The following C1orf185 variants were observed in gnomAD, a reference collection of about 807,000 sequenced individuals.
C1orf185 encodes chromosome 1 open reading frame 185.
In C1orf185, 13 loss-of-function variants were observed where a neutral mutation model predicts 16.1. The observed-to-expected ratio is 0.81, with a 90% CI of 0.53 to 1.28. C1orf185 has a LOEUF of 1.28. Ranked by LOEUF, C1orf185 falls within the 50% of genes most tolerant of loss-of-function variation. The pLI is 0.00. For synonymous variants in C1orf185, 80 were observed against 76.9 expected (o/e 1.04, Z -0.21); for missense variants, 220 against 225.2 (o/e 0.98, Z 0.15).
Position 51,118,727 on chromosome 1 carries a change from A to T in C1orf185, c.184A>T (p.Met62Leu), listed in dbSNP as rs1044922832. 6.7e-7 allele frequency: 1 copy of T among 1,496,240 alleles called. No homozygotes were observed. The highest frequency in any genetic ancestry group is 2.1e-5 in the Admixed American group (1 of 47,314). 92.7% of individuals were successfully genotyped at this position (1,496,240 alleles called of 1,614,324 possible). The change falls in exon 3 of 5, where the codon ATG becomes TTG. Residue 62 changes from methionine (M) to leucine (L), a missense_variant. Met to Leu is a conservative substitution (Grantham distance 15). Coordinates refer to ENST00000371759, the MANE Select transcript of C1orf185 (RefSeq NM_001136508.2). ...TGAGAGATGCAGGCAAAGACCATCA[A>T]TGGCGAAGATTAAATCTCATTCTCA... The part of the protein sequence containing the change: ...IDERCRQRPS[M>L]AKIKSHSQCV...
chr1:51,124,081 GTTTTTTTTT>G (rs893846873), intron 3 of C1orf185, among the ~76,000 whole-genome samples: 1 of 113,590 alleles, frequency 8.8e-6, no homozygotes, highest in African/African-American at 3.3e-5. Context: ...ACTGTAGTTT[GTTTTTTTTT>G]TTTTTTTTTT....
chr1:51,111,817 G>T (rs1167036498), intron 1 of C1orf185, among the ~76,000 whole-genome samples: 1 of 152,120 alleles, frequency 6.6e-6, no homozygotes, highest in Non-Finnish European at 1.5e-5. Flanking sequence ...ACGGCGCCCT[G>T]CCCCTGGTTA....
At chr1:51,139,046 TTTTA>T (rs1228385996) in intron 3 of C1orf185, among the ~76,000 whole-genome samples, 12 of 152,190 alleles carry the variant, frequency 7.9e-5, no homozygotes, top group Non-Finnish European at 1.3e-4. Flanking sequence ...TACTTACATT[TTTTA>T]CATGTCTGTA....
At chr1:51,137,532 AAAAAAAT>A (rs1168872214) in intron 3 of C1orf185, among the ~76,000 whole-genome samples, 6 of 152,146 alleles carry the variant, frequency 3.9e-5, no homozygotes, top group Admixed American at 2.6e-4. Flanking sequence ...TCTGTCTCAA[AAAAAAAT>A]AAAAAATAAA....
At chr1:51,125,091 G>A (rs753176863) in intron 3 of C1orf185, among the ~76,000 whole-genome samples, 199 of 152,286 alleles carry the variant, frequency 1.3e-3, no homozygotes, top group Non-Finnish European at 2.4e-3. Flanking sequence ...AGGTGTTTTT[G>A]TTTTCAGGGT....
chr1:51,113,747 T>C (rs1435020385), intron 2 of C1orf185, among the ~76,000 whole-genome samples: 1 of 152,212 alleles, frequency 6.6e-6, no homozygotes, highest in Non-Finnish European at 1.5e-5. Context: ...GTTTAAAATA[T>C]ATAAATTGTA....
chr1:51,112,523 T>G lies in C1orf185; in HGVS notation c.76T>G (p.Phe26Val). 3.2e-6 allele frequency: 5 copies of G among 1,551,316 alleles called. No individual in the cohort carries two copies. Among genetic ancestry groups the G allele is most frequent in the Non-Finnish European group, 4.4e-6 (5 of 1,146,838 alleles). ...TGGTGCTGTCACTTTGGGAATTGGTTTCTTTGCTTTGGCATCAGCTTTGTG... is the reference window on the plus strand; with the variant it reads ...TGGTGCTGTCACTTTGGGAATTGGTGTCTTTGCTTTGGCATCAGCTTTGTG... ...AAGAVTLGIG[F>V]FALASALWFL... Residue 26 changes from phenylalanine to valine, a missense_variant, in exon 2 of 5, where the codon TTC becomes GTC. Coordinates refer to ENST00000371759, the MANE Select transcript of C1orf185 (RefSeq NM_001136508.2).
intron 4 of C1orf185, among the ~76,000 whole-genome samples, chr1:51,146,180 C>A (rs1020061446): frequency 6.6e-6 from 1 of 151,570 alleles, no homozygotes; most frequent in Non-Finnish European, 1.5e-5. Context: ...ATGTTTAGAC[C>A]AGGCGTGGTG....
rs148066509 is a variant in C1orf185, at chr1:51,107,024, T to G, written c.16+4775T>G. The stretch of plus-strand genomic sequence containing the variant: ...CGCCCACCTCAGCCTCCCAAAATGC[T>G]GGGATTACAGGCGTGAGCCACCGCG... On this transcript the variant is annotated intron_variant, in intron 1 of 4. Transcript: ENST00000371759. 5.6e-3 allele frequency among the ~76,000 whole-genome samples: 850 copies of G among 152,298 alleles called. 5 individuals carry two copies. The highest frequency in any genetic ancestry group is 0.019 in the African/African-American group (782 of 41,564).
chr1:51,136,226 T>A (rs567181953), intron 3 of C1orf185, among the ~76,000 whole-genome samples: 48 of 152,314 alleles, frequency 3.2e-4, no homozygotes, highest in African/African-American at 1.0e-3. Context: ...TAAATGGCCA[T>A]ACTGCCCAAA....
chr1:51,144,966 C>T (rs926906844), intron 3 of C1orf185, among the ~76,000 whole-genome samples: 1 of 152,090 alleles, frequency 6.6e-6, no homozygotes, highest in African/African-American at 2.4e-5. Flanking sequence ...ACAGTGTATA[C>T]TCCCAAGCCC....
chr1:51,145,101 A>G (rs1252032297), intron 3 of C1orf185, among the ~76,000 whole-genome samples: 2 of 152,110 alleles, frequency 1.3e-5, no homozygotes, highest in Non-Finnish European at 2.9e-5. Flanking sequence ...ACTTCCCAGA[A>G]CATATCTGGA....
At chr1:51,102,571 A>G (rs920713513) in intron 1 of C1orf185, among the ~76,000 whole-genome samples, 1 of 152,100 alleles carries the variant, frequency 6.6e-6, no homozygotes, top group Non-Finnish European at 1.5e-5. Context: ...AAATTCATTG[A>G]AAGTATTTAT....
intron 3 of C1orf185, among the ~76,000 whole-genome samples, chr1:51,139,843 C>T (rs1007057636): frequency 2.6e-5 from 4 of 152,178 alleles, no homozygotes; most frequent in African/African-American, 9.7e-5. Flanking sequence ...TACATATCAT[C>T]TGTGGGTCAG....
At chr1:51,131,838 T>C (rs574168112) in intron 3 of C1orf185, among the ~76,000 whole-genome samples, 5 of 152,234 alleles carry the variant, frequency 3.3e-5, no homozygotes. Flanking sequence ...TACTAAATGC[T>C]TTGGCTGACA....
At chr1:51,133,291 A>G (rs979060443) in intron 3 of C1orf185, among the ~76,000 whole-genome samples, 1 of 152,174 alleles carries the variant, frequency 6.6e-6, no homozygotes, top group Non-Finnish European at 1.5e-5. Flanking sequence ...AGACCCATTG[A>G]TATGCTGTCT....
chr1:51,117,364 T>A (rs12085697), intron 2 of C1orf185, among the ~76,000 whole-genome samples: 11,666 of 152,232 alleles, frequency 0.077, 1,347 homozygotes, highest in African/African-American at 0.25. Flanking sequence ...ACATTAACAC[T>A]TCACTATCAC....
At chr1:51,131,178 C>G (rs1002380181) in intron 3 of C1orf185, among the ~76,000 whole-genome samples, 1 of 152,222 alleles carries the variant, frequency 6.6e-6, no homozygotes, top group African/African-American at 2.4e-5. Context: ...GCTGGGATTA[C>G]AGGTGTAAGC....
At chr1:51,128,156 TG>T (rs1646255906) in intron 3 of C1orf185, among the ~76,000 whole-genome samples, 1 of 152,058 alleles carries the variant, frequency 6.6e-6, no homozygotes, top group African/African-American at 2.4e-5. Context: ...CCCGAAGCAC[TG>T]GGATTACAGG....
Sources: gnomAD v4.1 joint callset for allele counts (sites outside exome capture counted in the v4.1 genomes callset) on GRCh38, gnomAD v4.1.1 for gene constraint, MANE v1.5 for transcripts, NCBI Gene and HGNC (gene_info 2026-07-23, HGNC 2026-07-21) for gene names.